Variants in MERTK observed in about 807,000 individuals in gnomAD.
The protein encoded by MERTK is MER proto-oncogene, tyrosine kinase, also known as tyrosine-protein kinase Mer.
A neutral mutation model predicts 99.3 loss-of-function variants in MERTK; 69 were observed. That is an observed-to-expected ratio of 0.70 (90% CI 0.57 to 0.85). The LOEUF (loss-of-function observed/expected upper bound fraction) is 0.85, where lower values mean the gene tolerates loss of function less well. MERTK is among the 40% of genes least tolerant of loss of function. The pLI, the probability that MERTK is intolerant of heterozygous loss-of-function variation, is 0.00. For missense variants in MERTK, 1,125 were observed against 1,249.4 expected, an observed-to-expected ratio of 0.90 and a Z score of 1.50; for synonymous variants, 426 against 467.6, an observed-to-expected ratio of 0.91 and a Z score of 1.15.
chr2:112,010,999 C>A (rs1677088707), intron 15 of MERTK, among the ~76,000 whole-genome samples: 1 of 152,102 alleles, frequency 6.6e-6, no homozygotes, highest in Non-Finnish European at 1.5e-5. Flanking sequence ...ATCATCACTG[C>A]CCTTAATCAC....
intron 11 of MERTK, among the ~76,000 whole-genome samples, chr2:112,002,373 T>C (rs1676886450): frequency 6.6e-6 from 1 of 152,162 alleles, no homozygotes; most frequent in South Asian, 2.1e-4. Context: ...GTCCATGGCA[T>C]GGGAGGGTAG....
intron 3 of MERTK, among the ~76,000 whole-genome samples, chr2:111,946,092 G>C (rs1405799406): frequency 6.6e-6 from 1 of 152,186 alleles, no homozygotes; most frequent in African/African-American, 2.4e-5. Flanking sequence ...AGGAGGAGGA[G>C]TGAGTGGGGA....
chr2:111,920,621 C>G (rs530785313), intron 1 of MERTK, among the ~76,000 whole-genome samples: 1 of 141,826 alleles, frequency 7.1e-6, no homozygotes, highest in East Asian at 2.0e-4. Context: ...TGTTTTTCTT[C>G]TAATGAAGTG....
At position 111,898,694 on chromosome 2, in the gene MERTK, G is replaced by A. The variant is rs1402411240; in HGVS notation, c.-42G>A. ...CAGGACAGGTTCGGGACGTCCATCT[G>A]TCCATCCGTCCGGAGAGAAATTACA... On this transcript the variant is annotated 5_prime_UTR_variant, in exon 1 of 19. Coordinates refer to ENST00000295408, the MANE Select transcript of MERTK (RefSeq NM_006343.3). 2 of 1,594,032 alleles carry A rather than the reference G, an allele frequency of 1.3e-6. No homozygotes were observed. The highest frequency in any genetic ancestry group is 2.7e-5 in the African/African-American group (2 of 74,746).
At chr2:111,944,576 T>C (rs1206181797) in intron 2 of MERTK, among the ~76,000 whole-genome samples, 1 of 3,226 alleles carries the variant, frequency 3.1e-4, no homozygotes, top group Non-Finnish European at 7.6e-4. Flanking sequence ...ATCAACAGGG[T>C]GTTGGGTGGA....
intron 4 of MERTK, among the ~76,000 whole-genome samples, chr2:111,952,855 TG>T (rs1225099202): frequency 2.0e-5 from 3 of 152,204 alleles, no homozygotes; most frequent in Non-Finnish European, 4.4e-5. Flanking sequence ...ATCTTTTTAG[TG>T]GAATATGGTA....
intron 15 of MERTK, among the ~76,000 whole-genome samples, chr2:112,010,888 G>A (rs148728803): frequency 7.9e-5 from 12 of 152,150 alleles, no homozygotes; most frequent in Non-Finnish European, 1.2e-4. Flanking sequence ...AAAAGGCAGC[G>A]ATCCTGCGGG....
At chr2:111,963,071 A>G (rs1685281802) in intron 4 of MERTK, among the ~76,000 whole-genome samples, 1 of 152,126 alleles carries the variant, frequency 6.6e-6, no homozygotes, top group Admixed American at 6.5e-5. Flanking sequence ...TCATAGGATA[A>G]TAGTGGAGAG....
intron 2 of MERTK, among the ~76,000 whole-genome samples, chr2:111,938,044 A>G (rs1318250780): frequency 2.0e-5 from 3 of 152,038 alleles, no homozygotes. Context: ...CAGTAGAGTA[A>G]CCACTACTCT....
At chr2:111,975,938 C>T (rs936403474) in intron 7 of MERTK, among the ~76,000 whole-genome samples, 2 of 152,218 alleles carry the variant, frequency 1.3e-5, no homozygotes, top group East Asian at 1.9e-4. Flanking sequence ...AATCCCCAGG[C>T]CTCCCCTCCC....
chr2:111,962,803 C>CA (rs1260312376), intron 4 of MERTK, among the ~76,000 whole-genome samples: 1 of 152,156 alleles, frequency 6.6e-6, no homozygotes, highest in Non-Finnish European at 1.5e-5. Flanking sequence ...TTGGCTGTGA[C>CA]AATTTCTCAA....
intron 16 of MERTK, chr2:112,020,747 T>C (rs1289652738): frequency 2.2e-6 from 1 of 464,562 alleles, no homozygotes; most frequent in Non-Finnish European, 4.5e-6. Context: ...GCTGCTGGGG[T>C]CCTGGATCAG....
chr2:111,997,467 C>A lies in MERTK; in HGVS notation c.1595C>A (p.Thr532Lys). The A allele has an allele frequency of 6.2e-7, 1 of 1,613,898 alleles. No individual in the cohort carries two copies. The highest frequency in any genetic ancestry group is 8.5e-7 in the Non-Finnish European group (1 of 1,179,986). ...GCCATCAGAAAAAGAGTCCAGGAGA[C>A]AAAGTTTGGGTAAGTCTCCCAGCTA... Reference protein sequence around the residue: ...SLAIRKRVQETKFGNAFTEED... With the variant: ...SLAIRKRVQEKKFGNAFTEED... Residue 532 changes from threonine (T) to lysine (K), a missense_variant, in exon 10 of 19, where the codon ACA (threonine) becomes AAA (lysine). Thr to Lys is a moderately conservative substitution (Grantham distance 78). Coordinates refer to ENST00000295408, the MANE Select transcript of MERTK (RefSeq NM_006343.3).
At chr2:111,970,216 G>C (rs573826710) in intron 6 of MERTK, among the ~76,000 whole-genome samples, 1 of 151,516 alleles carries the variant, frequency 6.6e-6, no homozygotes, top group Non-Finnish European at 1.5e-5. Context: ...GAGTGCAGTG[G>C]TGTGATCTCG....
intron 13 of MERTK, among the ~76,000 whole-genome samples, chr2:112,005,837 A>G (rs1254110769): frequency 1.3e-5 from 2 of 152,182 alleles, no homozygotes; most frequent in African/African-American, 2.4e-5. Context: ...CATAAGTTAG[A>G]TTGTAAGCAT....
At chr2:111,928,277 G>A in intron 1 of MERTK, among the ~76,000 whole-genome samples, 1 of 135,848 alleles carries the variant, frequency 7.4e-6, no homozygotes, top group East Asian at 2.2e-4. Flanking sequence ...CCAGGCTGGA[G>A]TGCAGTGGCA....
At chr2:112,027,905 T>C (rs1203302138) in intron 18 of MERTK, among the ~76,000 whole-genome samples, 2 of 152,200 alleles carry the variant, frequency 1.3e-5, no homozygotes, top group East Asian at 3.9e-4. Context: ...AGCAAATATT[T>C]TTGGCTTTGC....
intron 1 of MERTK, among the ~76,000 whole-genome samples, chr2:111,899,400 G>A (rs570799645): frequency 3.0e-4 from 46 of 152,378 alleles, no homozygotes; most frequent in African/African-American, 8.2e-4. Flanking sequence ...CTTTTTAGGG[G>A]CACCCAGAGA....
intron 1 of MERTK, among the ~76,000 whole-genome samples, chr2:111,909,934 C>G (rs1010499925): frequency 6.6e-6 from 1 of 152,052 alleles, no homozygotes; most frequent in African/African-American, 2.4e-5. Flanking sequence ...GTCATTTATC[C>G]AAAAGAAAGG....
Sources: allele counts gnomAD v4.1 joint callset (sites outside exome capture counted in the v4.1 genomes callset), GRCh38; gene constraint gnomAD v4.1.1; transcripts MANE v1.5; gene names NCBI Gene and HGNC (gene_info 2026-07-23, HGNC 2026-07-21).